The following ADK variants were observed in gnomAD, a reference collection of about 807,000 sequenced individuals.
ADK encodes the protein N6,N6-dimethyladenosine kinase.
ADK carries 24 observed loss-of-function variants against 44.7 expected under a neutral mutation model. The ratio of observed to expected loss-of-function variants is 0.54; its 90% confidence interval spans 0.39 to 0.76. The LOEUF (loss-of-function observed/expected upper bound fraction) is 0.76. Ranked by LOEUF, ADK falls within the 30% of genes least tolerant of loss-of-function variation. ADK has a pLI of 0.00. For synonymous variants in ADK, 128 were observed against 142.6 expected (o/e 0.90, Z 0.73); for missense variants, 321 against 425.1 (o/e 0.76, Z 2.15).
intron 6 of ADK, among the ~76,000 whole-genome samples, chr10:74,478,773 C>T (rs1056033021): frequency 6.6e-5 from 10 of 152,178 alleles, no homozygotes; most frequent in African/African-American, 2.4e-4. Context: ...AGCTAATACA[C>T]ATTTATTGAA....
intron 7 of ADK, among the ~76,000 whole-genome samples, chr10:74,567,776 G>T (rs1253765830): frequency 7.0e-6 from 1 of 143,300 alleles, no homozygotes; most frequent in Non-Finnish European, 1.5e-5. Context: ...TCAGCTCACT[G>T]CAACCTCCGC....
chr10:74,214,254 G>GC (rs1014955396), intron 2 of ADK, among the ~76,000 whole-genome samples: 4 of 151,686 alleles, frequency 2.6e-5, no homozygotes, highest in South Asian at 2.1e-4. Context: ...TAATGGTTTT[G>GC]CCCCCCCATT....
chr10:74,644,103 A>G (rs1853974560), intron 9 of ADK, among the ~76,000 whole-genome samples: 1 of 152,212 alleles, frequency 6.6e-6, no homozygotes, highest in African/African-American at 2.4e-5. Context: ...TTGATAAGAC[A>G]GTTGGTCTGA....
chr10:74,673,759 A>G (rs1348186543), intron 10 of ADK, among the ~76,000 whole-genome samples: 1 of 152,182 alleles, frequency 6.6e-6, no homozygotes, highest in African/African-American at 2.4e-5. Flanking sequence ...AGGTCACACA[A>G]ACGAGTTGGA....
At chr10:74,578,543 A>C (rs1312304992) in intron 7 of ADK, among the ~76,000 whole-genome samples, 1 of 152,142 alleles carries the variant, frequency 6.6e-6, no homozygotes, top group Non-Finnish European at 1.5e-5. Flanking sequence ...TATGGAAACA[A>C]ATAGTCATTT....
At chr10:74,591,396 A>G (rs891708508) in intron 8 of ADK, among the ~76,000 whole-genome samples, 3 of 152,210 alleles carry the variant, frequency 2.0e-5, no homozygotes, top group African/African-American at 7.2e-5. Flanking sequence ...AATAAAGCAC[A>G]TAGTGTCTTG....
chr10:74,518,289 C>T (rs1848674018), intron 6 of ADK, among the ~76,000 whole-genome samples: 1 of 152,210 alleles, frequency 6.6e-6, no homozygotes, highest in African/African-American at 2.4e-5. Context: ...TAGCCCTTTC[C>T]TCATCAGTGC....
intron 6 of ADK, among the ~76,000 whole-genome samples, chr10:74,472,553 T>G (rs963793854): frequency 3.2e-4 from 49 of 152,204 alleles, no homozygotes; most frequent in African/African-American, 1.2e-3. Flanking sequence ...CAAGGTTCAG[T>G]GCTTCCTTTT....
chr10:74,636,449 A>G (rs1853624362), intron 9 of ADK, among the ~76,000 whole-genome samples: 1 of 152,194 alleles, frequency 6.6e-6, no homozygotes, highest in African/African-American at 2.4e-5. Context: ...GGGAGAGACT[A>G]TTATCAAACG....
chr10:74,306,876 A>G (rs1840269799), intron 3 of ADK, among the ~76,000 whole-genome samples: 1 of 152,170 alleles, frequency 6.6e-6, no homozygotes, highest in Admixed American at 6.5e-5. Context: ...AGAGGTTTCT[A>G]GCTTAATTTC....
intron 4 of ADK, among the ~76,000 whole-genome samples, chr10:74,357,782 AT>A (rs1328495319): frequency 1.3e-5 from 2 of 152,200 alleles, no homozygotes; most frequent in African/African-American, 4.8e-5. Context: ...TTGCATGCTT[AT>A]AATCTGTGAT....
chr10:74,571,890 T>C (rs988058568), intron 7 of ADK, among the ~76,000 whole-genome samples: 6 of 152,230 alleles, frequency 3.9e-5, no homozygotes, highest in Non-Finnish European at 8.8e-5. Context: ...TTTGAGCCTA[T>C]GTGTGTCTCT....
chr10:74,467,385 C>G (rs1179579986), intron 6 of ADK, among the ~76,000 whole-genome samples: 1 of 152,108 alleles, frequency 6.6e-6, no homozygotes, highest in Non-Finnish European at 1.5e-5. Context: ...GTTGATAGTA[C>G]AGAAAGCCAC....
intron 9 of ADK, among the ~76,000 whole-genome samples, chr10:74,620,901 A>ATTTG (rs1852971268): frequency 6.6e-6 from 1 of 150,696 alleles, no homozygotes; most frequent in Admixed American, 6.6e-5. Flanking sequence ...TTTTGTTTTT[A>ATTTG]TTTGTTTGTT....
chr10:74,690,507 A>G (rs993707218), intron 10 of ADK, among the ~76,000 whole-genome samples: 6 of 152,230 alleles, frequency 3.9e-5, no homozygotes, highest in African/African-American at 1.2e-4. Context: ...AAAAAAGTCC[A>G]TATCACATCA....
At chr10:74,537,078 G>A (rs1849476187) in intron 7 of ADK, among the ~76,000 whole-genome samples, 1 of 151,976 alleles carries the variant, frequency 6.6e-6, no homozygotes, top group Admixed American at 6.6e-5. Context: ...AATACACAAG[G>A]GTTCCAATTT....
At chr10:74,560,944 A>G (rs1390650784) in intron 7 of ADK, among the ~76,000 whole-genome samples, 10 of 152,240 alleles carry the variant, frequency 6.6e-5, no homozygotes, top group Non-Finnish European at 1.2e-4. Flanking sequence ...AATGTTTGGC[A>G]TAAGTACATC....
intron 9 of ADK, among the ~76,000 whole-genome samples, chr10:74,638,640 G>A (rs1333925564): frequency 6.6e-6 from 1 of 152,184 alleles, no homozygotes; most frequent in Non-Finnish European, 1.5e-5. Flanking sequence ...CTGGGCAATA[G>A]AGTGAAACCA....
chr10:74,187,521 TTCTC>T (rs149684142), intron 1 of ADK, among the ~76,000 whole-genome samples: 2,074 of 151,070 alleles, frequency 0.014, 53 homozygotes, highest in African/African-American at 0.046. Flanking sequence ...CACACACTCT[TTCTC>T]TCTCTCTCTC....
Sources: allele counts gnomAD v4.1 joint callset (sites outside exome capture counted in the v4.1 genomes callset), GRCh38; gene constraint gnomAD v4.1.1; transcripts MANE v1.5; gene names NCBI Gene and HGNC (gene_info 2026-07-23, HGNC 2026-07-21).